ZW10: variants seen among roughly 807,000 people sequenced by gnomAD.
ZW10 encodes the protein zw10 kinetochore protein, also known as centromere/kinetochore protein zw10 homolog.
Under a neutral mutation model 87.8 loss-of-function variants are expected in ZW10, and 53 were observed. The ratio of observed to expected loss-of-function variants is 0.60; its 90% CI spans 0.48 to 0.76. The LOEUF is 0.76. Ranked by LOEUF, ZW10 falls within the 30% of genes least tolerant of loss-of-function variation. The pLI is 0.00. For missense variants in ZW10, 837 were observed against 923.0 expected (o/e 0.91, Z 1.21); for synonymous variants, 312 against 329.2 (o/e 0.95, Z 0.57).
chr11:113,753,800 G>T (rs2513592), intron 7 of ZW10, among the ~76,000 whole-genome samples: 133,348 of 152,232 alleles, frequency 0.88, 59,289 homozygotes, highest in East Asian at 0.95. Flanking sequence ...AGGCCTTAAC[G>T]CTCTTCAATT....
chr11:113,759,811 A>C (rs1179075068), intron 5 of ZW10, among the ~76,000 whole-genome samples: 1 of 152,212 alleles, frequency 6.6e-6, no homozygotes, highest in Non-Finnish European at 1.5e-5. Flanking sequence ...GAATGGCTAG[A>C]GAGCTCCTTT....
Position 113,736,937 on chromosome 11 carries a change from C to T in ZW10, c.2017-115G>A, listed in dbSNP as rs1013862253. On this transcript the variant is annotated intron_variant, in intron 14 of 15. Transcript: ENST00000200135. The stretch of plus-strand genomic sequence containing the variant: ...AGGTGGGTCAGCTACAACATGTTTT[C>T]CAACCAATTTGGAACAACTTACTAG... The T allele has an allele frequency of 6.6e-6, 6 of 907,814 alleles. No homozygotes were observed. The African/African-American group carries it at 9.9e-5, about 15-fold the overall frequency. 56.2% of individuals were successfully genotyped at this position (907,814 alleles called of 1,614,324 possible).
At chr11:113,747,469 C>A (rs1953690830) in intron 9 of ZW10, 62 bp downstream of exon 9, 9 of 1,451,904 alleles carry the variant, frequency 6.2e-6, no homozygotes, top group Non-Finnish European at 8.5e-6. Flanking sequence ...CTATATGCAT[C>A]TCAAAATGAG....
chr11:113,770,760 G>A (rs1177889657), intron 1 of ZW10, among the ~76,000 whole-genome samples: 4 of 150,938 alleles, frequency 2.7e-5, no homozygotes, highest in African/African-American at 4.9e-5. Flanking sequence ...AGAGATTGCA[G>A]TGAGCCAATA....
In ZW10 at chr11:113,757,951, C is replaced by A. The variant is rs1953810869; in HGVS notation, c.734-98G>T. On this transcript the variant is annotated intron_variant, in intron 6 of 15. Transcript: ENST00000200135. ...CTGTAATCCCAGCACTTTGGGAGGC[C>A]GAGGCAGGTGGATCATCTGAGGCCA... The A allele has an allele frequency of 5.0e-6, 5 of 999,680 alleles. No individual in the cohort carries two copies. The South Asian group carries it at 1.2e-4, about 24-fold the overall frequency. 61.9% of individuals were successfully genotyped at this position (999,680 alleles called of 1,614,324 possible).
rs112533360 is a variant in ZW10 at position 113,743,280 on chromosome 11, T to G, written c.1511+522A>C. On this transcript the variant is annotated intron_variant, in intron 10 of 15. Transcript: ENST00000200135. ...CAAATATAAACATTTAAAATATAAA[T>G]GAATTAGGGACTGGGTTTCAAAAGG... is the stretch of plus-strand genomic sequence containing the variant. Among the ~76,000 whole-genome samples, 1,048 of 152,200 alleles carry G rather than the reference T, an allele frequency of 6.9e-3. 7 individuals carry two copies. Among genetic ancestry groups the G allele is most frequent in the African/African-American group, 0.024 (990 of 41,520 alleles).
At chr11:113,747,818 T>G in intron 8 of ZW10, 105 bp from the exon 9 acceptor site, 1 of 869,014 alleles carries the variant, frequency 1.2e-6, no homozygotes. Flanking sequence ...AAGCTGGTCA[T>G]TTTAGAATGG....
At chr11:113,742,320 C>T (rs1200315992) in intron 10 of ZW10, among the ~76,000 whole-genome samples, 1 of 152,126 alleles carries the variant, frequency 6.6e-6, no homozygotes, top group Non-Finnish European at 1.5e-5. Context: ...TTAAAATGCA[C>T]TTTTAAAAGG....
rs1953931997 is a variant in ZW10 at position 113,768,753 on chromosome 11, T to C, written c.240+80A>G. On this transcript the variant is annotated intron_variant, in intron 2 of 15. Coordinates refer to ENST00000200135, the MANE Select transcript of ZW10 (RefSeq NM_004724.4). ...AGAAAAGTGAGGGTTTAAAAAGTTG[T>C]ACACAATTAAGCTGTCTTAGCAATC... The C allele has an allele frequency of 4.1e-6, 6 of 1,457,644 alleles. 1 individual carries two copies. In the South Asian group the frequency reaches 8.2e-5, roughly 20 times the overall value. The allele number at this position is 1,457,644 out of a possible 1,614,324, so 90.3% of individuals were successfully genotyped here. A position where few individuals can be genotyped will look rare whatever the true frequency, so the allele number is the denominator to read the frequency against.
At position 113,768,901 on chromosome 11, in the gene ZW10, C is replaced by T; in HGVS notation, c.172G>A (p.Gly58Ser). ...EFLPSMQSAQ[G>S]LITQVDKLSE... ...AGCTTATCCACCTGGGTAATCAGGC[C>T]CTGCGCGCTCTGCATGCTAGGCAGG... The change falls in exon 2 of 16, where the codon GGC (glycine) becomes AGC (serine). Residue 58 changes from glycine to serine, a missense_variant. By Grantham distance (56) the Gly-to-Ser change is moderately conservative. Transcript: ENST00000200135. 6.2e-7 allele frequency: 1 copy of T among 1,614,096 alleles called. No individual in the cohort carries two copies. Among genetic ancestry groups the T allele is most frequent in the Non-Finnish European group, 8.5e-7 (1 of 1,180,002 alleles).
rs760102411 is a variant in ZW10, at chr11:113,762,526, CT to C, written c.241-1609del. ...CATTTTTACCTTATAAACTTATTAACTTTTTTTTTTTTTGAGGAGTCTCACT... is the reference window on the plus strand; with the variant it reads ...CATTTTTACCTTATAAACTTATTAACTTTTTTTTTTTTGAGGAGTCTCACT... On this transcript the variant is annotated intron_variant, in intron 2 of 15. Transcript: ENST00000200135. 5.7e-3 allele frequency among the ~76,000 whole-genome samples: 834 copies of C among 146,634 alleles called. 3 individuals carry two copies. Among genetic ancestry groups the C allele is most frequent in the African/African-American group, 0.019 (750 of 40,356 alleles).
At chr11:113,760,129 T>G in intron 5 of ZW10, 80 bp downstream of exon 5, 1 of 1,485,488 alleles carries the variant, frequency 6.7e-7, no homozygotes, top group Non-Finnish European at 9.1e-7. Context: ...CATCTACTAA[T>G]ACAAAAATGT....
At chr11:113,734,272 A>G (rs1366160294) in intron 15 of ZW10, among the ~76,000 whole-genome samples, 1 of 152,230 alleles carries the variant, frequency 6.6e-6, no homozygotes, top group Non-Finnish European at 1.5e-5. Context: ...GGCATTACAT[A>G]ATAGAAGAAA....
intron 7 of ZW10, among the ~76,000 whole-genome samples, chr11:113,757,427 C>T (rs76069704): frequency 0.085 from 12,875 of 152,122 alleles, 586 homozygotes; most frequent in Middle Eastern, 0.17. Flanking sequence ...AATAATATCA[C>T]AAATACAGAA....
Position 113,736,758 on chromosome 11 carries a change from G to A in ZW10, c.2081C>T (p.Pro694Leu), listed in dbSNP as rs1156291017. The A allele has an allele frequency of 1.9e-6, 3 of 1,614,048 alleles. No homozygotes were observed. The highest frequency in any genetic ancestry group is 2.2e-5 in the East Asian group (1 of 44,882). ...SLCKTVMDEG[P>L]QVFAPLSEES... ...TTCAGATAAAGGTGCAAATACTTGG[G>A]GTCCTTCATCCATCACTGTTTTGCA... The change falls in exon 15 of 16, where the codon CCC becomes CTC. Residue 694 changes from proline (P) to leucine (L), a missense_variant. Coordinates refer to ENST00000200135, the MANE Select transcript of ZW10 (RefSeq NM_004724.4).
At chr11:113,739,073 C>CA in intron 12 of ZW10, 140 bp downstream of exon 12, 1 of 883,144 alleles carries the variant, frequency 1.1e-6, no homozygotes. Flanking sequence ...GAAACACTTG[C>CA]AAATTAAATG....
rs1953806598 is a variant in ZW10 at position 113,757,750 on chromosome 11, A to G, written c.837T>C (p.Ser279=). The part of the protein sequence containing the change: ...QPNIVIIRFE[S]IMTNLEYPSP... ...ATGGATATTCCAAGTTAGTCATTAT[A>G]GATTCAAAACGAATAATAACTATGT... is the stretch of plus-strand genomic sequence containing the variant. Residue 279 remains serine (S), a synonymous_variant, in exon 7 of 16, where the codon TCT becomes TCC. Transcript: ENST00000200135. 6.2e-7 allele frequency: 1 copy of G among 1,613,712 alleles called. No individual in the cohort carries two copies.
At chr11:113,735,628 C>G (rs1953543582) in intron 15 of ZW10, among the ~76,000 whole-genome samples, 1 of 151,756 alleles carries the variant, frequency 6.6e-6, no homozygotes, top group Non-Finnish European at 1.5e-5. Context: ...GTCCTTTATG[C>G]AAGGTATACA....
chr11:113,745,299 A>AT (rs1175758855), intron 9 of ZW10, among the ~76,000 whole-genome samples: 1 of 148,846 alleles, frequency 6.7e-6, no homozygotes, highest in South Asian at 2.1e-4. Flanking sequence ...TGCTTCAGGG[A>AT]TTAAAAAAAA....
Sources: allele counts gnomAD v4.1 joint callset (sites outside exome capture counted in the v4.1 genomes callset), GRCh38; gene constraint gnomAD v4.1.1; transcripts MANE v1.5; gene names NCBI Gene and HGNC (gene_info 2026-07-23, HGNC 2026-07-21).